Variants in KRT8 observed in about 807,000 individuals in gnomAD.
KRT8 encodes keratin 8, also known as keratin, type II cytoskeletal 8.
A neutral mutation model predicts 43.0 loss-of-function variants in KRT8; 24 were observed. That is an observed-to-expected ratio of 0.56 (90% confidence interval 0.40 to 0.78). The LOEUF is 0.78. KRT8 is among the 30% of genes least tolerant of loss of function. KRT8 has a pLI of 0.00. For missense variants in KRT8, 492 were observed against 638.4 expected, an observed-to-expected ratio of 0.77 and a Z score of 2.47; for synonymous variants, 214 against 261.2, an observed-to-expected ratio of 0.82 and a Z score of 1.74.
At chr12:52,942,514 C>G (rs1388153936) in intron 2 of KRT8, among the ~76,000 whole-genome samples, 1 of 152,182 alleles carries the variant, frequency 6.6e-6, no homozygotes, top group East Asian at 1.9e-4. Flanking sequence ...CTCACCTTCC[C>G]CATCTCACGC....
chr12:52,925,276 C>G (rs1253008229), intron 2 of KRT8, among the ~76,000 whole-genome samples: 2 of 152,136 alleles, frequency 1.3e-5, no homozygotes, highest in East Asian at 3.9e-4. Context: ...TGAGCCTGTC[C>G]AGAGCCATAA....
chr12:52,905,040 G>A, exon 1 of KRT8: 7 of 1,556,888 alleles, frequency 4.5e-6, no homozygotes, highest in Non-Finnish European at 5.2e-6. Flanking sequence ...AGAAGGAGCG[G>A]AGAAGCTGCT....
rs571206587 is a variant in KRT8 at position 52,898,539 on chromosome 12, G to A, written c.1203-20C>T. On this transcript the variant is annotated intron_variant, in intron 6 of 7. Transcript: ENST00000692008. ...TCCAGCCTGTACCCAGACAAATGGG[G>A]TGTCAGGACCAACTCCTAGCCCTTC... 3.7e-6 allele frequency: 6 copies of A among 1,613,974 alleles called. No individual in the cohort carries two copies. The Admixed American group carries it at 1.0e-4, about 27-fold the overall frequency.
intron 2 of KRT8, among the ~76,000 whole-genome samples, chr12:52,916,991 G>A (rs976310777): frequency 7.9e-5 from 12 of 152,136 alleles, no homozygotes; most frequent in Admixed American, 4.6e-4. Flanking sequence ...GACATTCATC[G>A]GTGTGACCCA....
chr12:52,899,769 C>T lies in KRT8; in HGVS notation c.981+6G>A. 3 of 1,611,382 alleles carry T rather than the reference C, an allele frequency of 1.9e-6. No homozygotes were observed. Among genetic ancestry groups the T allele is most frequent in the Non-Finnish European group, 2.5e-6 (3 of 1,179,358 alleles). ...GAACCCCTCCCACCCCCAACCCGGCCCATACCTGGCCTTTGAGGCCCTCAA... is the reference window on the plus strand; with the variant it reads ...GAACCCCTCCCACCCCCAACCCGGCTCATACCTGGCCTTTGAGGCCCTCAA... On this transcript the variant is annotated splice_donor_region_variant and intron_variant, in intron 5 of 7. Transcript: ENST00000692008.
chr12:52,913,623 G>A (rs1006891183), intron 2 of KRT8, among the ~76,000 whole-genome samples: 4 of 147,508 alleles, frequency 2.7e-5, no homozygotes, highest in African/African-American at 5.0e-5. Flanking sequence ...TAGCACACAC[G>A]CCCTCTTGTC....
At chr12:52,908,747 TATA>T (rs1217162980), upstream of KRT8, among the ~76,000 whole-genome samples, 1 of 152,188 alleles carries the variant, frequency 6.6e-6, no homozygotes, top group East Asian at 1.9e-4. Flanking sequence ...TGGCTCTACC[TATA>T]ATCCCAGCAC....
intron 2 of KRT8, among the ~76,000 whole-genome samples, chr12:52,939,591 G>A (rs141495051): frequency 1.7e-3 from 257 of 152,008 alleles, no homozygotes; most frequent in African/African-American, 6.0e-3. Context: ...GCATGGTGGC[G>A]TATACCCGCG....
At chr12:52,918,248 A>AAGG (rs1471664780) in intron 2 of KRT8, among the ~76,000 whole-genome samples, 4 of 151,620 alleles carry the variant, frequency 2.6e-5, no homozygotes, top group African/African-American at 9.7e-5. Flanking sequence ...GAAGAAGAAG[A>AAGG]AGAAGAAGAA....
chr12:52,901,288 CAG>C, intron 2 of KRT8, 69 bp from the exon 3 acceptor site: 5 of 1,088,906 alleles, frequency 4.6e-6, no homozygotes, highest in Non-Finnish European at 7.1e-6. Flanking sequence ...TTTTGGGAGA[CAG>C]GGGCGTTGTG....
intron 2 of KRT8, chr12:52,948,074 G>A (rs573166631): frequency 6.6e-6 from 1 of 152,426 alleles, no homozygotes; most frequent in Admixed American, 6.5e-5. Context: ...GTTCCACTGA[G>A]GCAAGGCCCT....
intron 2 of KRT8, among the ~76,000 whole-genome samples, chr12:52,935,237 CTGGGGG>C (rs1942148212): frequency 6.6e-6 from 1 of 150,380 alleles, no homozygotes; most frequent in African/African-American, 2.4e-5. Context: ...AAAAAATTAG[CTGGGGG>C]TGGCAGGTGC....
chr12:52,914,090 G>A (rs1233795709), intron 2 of KRT8, among the ~76,000 whole-genome samples: 2 of 152,016 alleles, frequency 1.3e-5, no homozygotes, highest in African/African-American at 4.8e-5. Flanking sequence ...GGGCATGGTG[G>A]CAGGCACCTG....
At chr12:52,926,985 A>G (rs1942004669) in intron 2 of KRT8, among the ~76,000 whole-genome samples, 1 of 151,638 alleles carries the variant, frequency 6.6e-6, no homozygotes. Context: ...ATTCAATTCT[A>G]TCCCATGAGT....
chr12:52,927,342 G>T (rs550587724), intron 2 of KRT8, among the ~76,000 whole-genome samples: 1 of 152,220 alleles, frequency 6.6e-6, no homozygotes, highest in Admixed American at 6.5e-5. Context: ...GTGAAGAGGG[G>T]CCCAGATTCA....
intron 5 of KRT8, among the ~76,000 whole-genome samples, 165 bp downstream of exon 5, chr12:52,899,610 C>T (rs1393712234): frequency 6.6e-6 from 1 of 152,122 alleles, no homozygotes; most frequent in African/African-American, 2.4e-5. Context: ...CATCCCTTTG[C>T]TTCTCAGAAG....
chr12:52,931,314 G>A (rs542071912), intron 2 of KRT8, among the ~76,000 whole-genome samples: 2 of 151,532 alleles, frequency 1.3e-5, no homozygotes, highest in East Asian at 1.9e-4. Context: ...TGATCCTCCC[G>A]CCTCGGCCTC....
At chr12:52,922,165 CAG>C (rs1491020474) in intron 2 of KRT8, among the ~76,000 whole-genome samples, 1 of 112,442 alleles carries the variant, frequency 8.9e-6, no homozygotes, top group Non-Finnish European at 1.7e-5. Context: ...CACTGGGTGA[CAG>C]AGTGAGACCC....
intron 2 of KRT8, among the ~76,000 whole-genome samples, chr12:52,925,019 T>G (rs778363768): frequency 1.3e-5 from 2 of 152,184 alleles, no homozygotes; most frequent in Non-Finnish European, 2.9e-5. Flanking sequence ...CCCTTCTCAC[T>G]GGTCCTAGAT....
Sources: gnomAD v4.1 joint callset for allele counts (sites outside exome capture counted in the v4.1 genomes callset) on GRCh38, gnomAD v4.1.1 for gene constraint, MANE v1.5 for transcripts, NCBI Gene and HGNC (gene_info 2026-07-23, HGNC 2026-07-21) for gene names.